Variants in PARVB observed in about 807,000 individuals in gnomAD.
PARVB encodes the protein beta-parvin.
A neutral mutation model predicts 47.0 loss-of-function variants in PARVB; 46 were observed. The ratio of observed to expected loss-of-function variants is 0.98; its 90% confidence interval spans 0.77 to 1.25. PARVB has a LOEUF of 1.25. PARVB is among the 50% of genes most tolerant of loss of function. PARVB has a pLI of 0.00. For synonymous variants in PARVB, 196 were observed against 196.3 expected (o/e 1.00, Z 0.01); for missense variants, 473 against 471.6 (o/e 1.00, Z -0.03).
Position 44,089,253 on chromosome 22 carries a change from T to A in PARVB, c.113-4675T>A, listed in dbSNP as rs1601585178. 1 of 152,198 alleles carries A rather than the reference T, an allele frequency of 6.6e-6. No individual in the cohort carries two copies. The highest frequency in any genetic ancestry group is 1.9e-4 in the East Asian group (1 of 5,182). The allele number at this position is 152,198 out of a possible 1,614,324, so 9.4% of individuals were successfully genotyped here. ...GACTCCCTCGTGGCTGGCTGCTGGG[T>A]TTCGTGTGGACAGAGACATTCATCT... On this transcript the variant is annotated intron_variant, in intron 1 of 12. Coordinates refer to ENST00000338758, the MANE Select transcript of PARVB (RefSeq NM_013327.5). This position sits in a 1 kb window ranked among gnomAD's most constrained non-coding sequence, Gnocchi z 4.0.
chr22:44,026,133 G>T (rs1445335002), intron 1 of PARVB, among the ~76,000 whole-genome samples: 2 of 152,194 alleles, frequency 1.3e-5, no homozygotes, highest in Non-Finnish European at 2.9e-5. Flanking sequence ...TGCCGTTTAC[G>T]CTCTCGGAAT....
chr22:44,069,739 G>A (rs2051613284), intron 1 of PARVB, among the ~76,000 whole-genome samples: 1 of 152,056 alleles, frequency 6.6e-6, no homozygotes, highest in African/African-American at 2.4e-5. Context: ...ATGTTGGCCA[G>A]GCTGGTCTTG....
At chr22:44,018,039 C>A (rs2050602514) in intron 2 of PARVB, among the ~76,000 whole-genome samples, 1 of 152,188 alleles carries the variant, frequency 6.6e-6, no homozygotes, top group Non-Finnish European at 1.5e-5. Flanking sequence ...GACAGTCTCA[C>A]CCCAGGATAC....
At position 44,168,120 on chromosome 22, in the gene PARVB, C is replaced by T. The variant is rs553096554; in HGVS notation, c.1019-482C>T. On this transcript the variant is annotated intron_variant, in intron 12 of 12. Coordinates refer to ENST00000338758, the MANE Select transcript of PARVB (RefSeq NM_013327.5). ...GATGAAGGCACTGAGCCCCAAATCA[C>T]GGAAGTCACTTAGAGGTCACAGAGC... 235 of 163,158 alleles carry T rather than the reference C, an allele frequency of 1.4e-3. 1 individual carries two copies. Among genetic ancestry groups the T allele is most frequent in the African/African-American group, 5.5e-3 (230 of 41,760 alleles). 10.1% of individuals were successfully genotyped at this position (163,158 alleles called of 1,614,324 possible). A position where few individuals can be genotyped will look rare whatever the true frequency, so the allele number is the denominator to read the frequency against.
intron 1 of PARVB, among the ~76,000 whole-genome samples, chr22:44,051,578 TGTC>T (rs2051208857): frequency 6.6e-6 from 1 of 152,172 alleles, no homozygotes; most frequent in African/African-American, 2.4e-5. Context: ...CCCTTCCTGT[TGTC>T]GGCGCTGTGT....
chr22:44,134,154 C>T (rs541624980), intron 6 of PARVB, among the ~76,000 whole-genome samples: 1 of 152,282 alleles, frequency 6.6e-6, no homozygotes, highest in South Asian at 2.1e-4. Context: ...TTTCCGAACC[C>T]ATTCTGGCCC....
chr22:44,041,264 G>T (rs1372965263), intron 1 of PARVB, among the ~76,000 whole-genome samples: 1 of 152,094 alleles, frequency 6.6e-6, no homozygotes, highest in East Asian at 1.9e-4. Context: ...GGCCGAGGCG[G>T]GTGGATCACT....
chr22:44,077,872 G>A (rs2299847), intron 1 of PARVB, among the ~76,000 whole-genome samples: 52,141 of 151,812 alleles, frequency 0.34, 9,699 homozygotes, highest in African/African-American at 0.48. Context: ...TAATTTTTGT[G>A]TTTTTAGTTG....
chr22:44,135,466 C>T (rs1437056230), intron 6 of PARVB, among the ~76,000 whole-genome samples: 1 of 152,142 alleles, frequency 6.6e-6, no homozygotes, highest in African/African-American at 2.4e-5. Context: ...ACCATGTTGG[C>T]CAGAATGGTC....
chr22:44,034,865 C>T (rs1424666820), intron 1 of PARVB, among the ~76,000 whole-genome samples: 1 of 151,930 alleles, frequency 6.6e-6, no homozygotes, highest in African/African-American at 2.4e-5. Flanking sequence ...CGTGCACCAC[C>T]ACACCCAGCT....
In PARVB at chr22:44,170,005, A is replaced by AT. The variant is rs35824884; in HGVS notation, c.*1344dup. On this transcript the variant is annotated 3_prime_UTR_variant, in exon 13 of 13. Transcript: ENST00000338758. ...AGGCGTGAGCCACTGTGCCCAGCCTATTTTTTTTTTTTTTTTTGAGACAAG... is the reference window on the plus strand; with the variant it reads ...AGGCGTGAGCCACTGTGCCCAGCCTATTTTTTTTTTTTTTTTTTGAGACAAG... The AT allele has an allele frequency of 0.012, 1,563 of 127,826 alleles. 88 individuals carry two copies. The highest frequency in any genetic ancestry group is 0.038 in the African/African-American group (1,167 of 30,924). 7.9% of individuals were successfully genotyped at this position (127,826 alleles called of 1,614,324 possible).
chr22:44,139,909 C>A, intron 7 of PARVB: 1 of 444,316 alleles, frequency 2.3e-6, no homozygotes. Context: ...TGACCTTGTG[C>A]AAACATTAAT....
chr22:44,148,645 T>G (rs985566729), intron 9 of PARVB: 4 of 153,586 alleles, frequency 2.6e-5, no homozygotes, highest in Admixed American at 1.3e-4. Context: ...CCAAACAGCT[T>G]TCTTAGTGCA....
At chr22:44,069,852 C>T (rs148562240) in intron 1 of PARVB, among the ~76,000 whole-genome samples, 2,453 of 152,236 alleles carry the variant, frequency 0.016, 25 homozygotes, top group Admixed American at 0.026. Flanking sequence ...TAGTGGTCTT[C>T]GGTTCTGTGT....
intron 1 of PARVB, among the ~76,000 whole-genome samples, chr22:44,055,090 G>A (rs2051281492): frequency 6.6e-6 from 1 of 150,918 alleles, no homozygotes. Context: ...AAAATACTGG[G>A]AAATACATTA....
Position 44,163,881 on chromosome 22 carries a change from T to C in PARVB, c.969T>C (p.Phe323=), listed in dbSNP as rs2054106361. The C allele has an allele frequency of 6.2e-7, 1 of 1,610,876 alleles. No homozygotes were observed. The highest frequency in any genetic ancestry group is 1.3e-5 in the African/African-American group (1 of 74,894). ...AGGTCCACAATGTGTCCTTCGCCTT[T>C]GAGCTGATGCTGGACGGAGGCCTCA... ...DQKVHNVSFA[F]ELMLDGGLKK... Residue 323 remains phenylalanine (F), a synonymous_variant, in exon 12 of 13, where the codon TTT becomes TTC. Transcript: ENST00000338758.
intron 1 of PARVB, among the ~76,000 whole-genome samples, chr22:44,087,507 C>T (rs7293213): frequency 9.2e-4 from 140 of 152,260 alleles, no homozygotes; most frequent in African/African-American, 3.3e-3. Context: ...CCTGGTTCTG[C>T]TAGTGGAGCA....
At chr22:44,011,194 GAACT>G (rs1312699138) in intron 2 of PARVB, among the ~76,000 whole-genome samples, 8 of 151,990 alleles carry the variant, frequency 5.3e-5, no homozygotes, top group Non-Finnish European at 1.0e-4. Flanking sequence ...GGTTGTTCTC[GAACT>G]CCAGGGCTCA....
intron 1 of PARVB, among the ~76,000 whole-genome samples, chr22:44,043,475 A>G (rs754554592): frequency 1.7e-4 from 26 of 151,808 alleles, no homozygotes; most frequent in Non-Finnish European, 3.2e-4. Context: ...GCCTCCCGGG[A>G]TCACGCCATT....
Sources: allele counts gnomAD v4.1 joint callset (sites outside exome capture counted in the v4.1 genomes callset), GRCh38; gene constraint gnomAD v4.1.1; non-coding constraint Gnocchi (gnomAD v3.1); transcripts MANE v1.5; gene names NCBI Gene and HGNC (gene_info 2026-07-23, HGNC 2026-07-21).